The following MGST1 variants were observed in gnomAD, a reference collection of about 807,000 sequenced individuals.
MGST1 encodes the protein glutathione S-transferase 12.
A neutral mutation model predicts 8.9 loss-of-function variants in MGST1; 5 were observed. The ratio of observed to expected loss-of-function variants is 0.56; its 90% confidence interval spans 0.29 to 1.19. MGST1 has a LOEUF of 1.19. MGST1 is among the 50% of genes most tolerant of loss of function. The pLI, the probability that MGST1 is intolerant of heterozygous loss-of-function variation, is 0.08. For synonymous variants in MGST1, 54 were observed against 67.8 expected (o/e 0.80, Z 1.00); for missense variants, 182 against 187.4 (o/e 0.97, Z 0.17).
intron 4 of MGST1, among the ~76,000 whole-genome samples, chr12:16,519,614 T>G (rs1258754214): frequency 1.4e-5 from 2 of 145,442 alleles, no homozygotes; most frequent in African/African-American, 5.1e-5. Context: ...ATCTTTTTAT[T>G]ACTTCATGCT....
chr12:16,392,543 A>G (rs1940561923), intron 1 of MGST1, among the ~76,000 whole-genome samples: 1 of 152,200 alleles, frequency 6.6e-6, no homozygotes, highest in Admixed American at 6.5e-5. Context: ...CAGTATGTAC[A>G]TAGTTTGAAT....
At chr12:16,518,396 T>G (rs534582100) in intron 4 of MGST1, among the ~76,000 whole-genome samples, 1 of 152,370 alleles carries the variant, frequency 6.6e-6, no homozygotes, top group South Asian at 2.1e-4. Context: ...GACAATCCTA[T>G]CTAATATAGT....
At chr12:16,395,374 G>A (rs1940595662) in intron 1 of MGST1, among the ~76,000 whole-genome samples, 1 of 152,106 alleles carries the variant, frequency 6.6e-6, no homozygotes, top group African/African-American at 2.4e-5. Flanking sequence ...ACCCAGCATA[G>A]TAATGCAGTA....
intron 4 of MGST1, among the ~76,000 whole-genome samples, chr12:16,487,071 A>T (rs755690498): frequency 6.6e-6 from 1 of 152,166 alleles, no homozygotes; most frequent in Non-Finnish European, 1.5e-5. Flanking sequence ...GATGCTCAGC[A>T]TTGCAAGATC....
rs1455507123 is a variant in MGST1 at position 16,576,073 on chromosome 12, C to G, written n.483-13455C>G. Among the ~76,000 whole-genome samples, 2 of 152,304 alleles carry G rather than the reference C, an allele frequency of 1.3e-5. No individual in the cohort carries two copies. Among genetic ancestry groups the G allele is most frequent in the East Asian group, 3.9e-4 (2 of 5,182 alleles). On this transcript the variant is annotated intron_variant and non_coding_transcript_variant, in intron 4 of 4. Coordinates refer to the MGST1 transcript ENST00000538857. This position sits in a 1 kb window ranked among gnomAD's most constrained non-coding sequence, Gnocchi z 4.1. Reference sequence around the variant, plus strand: ...CCTCTTTTGTCTCAGTAAGCTACTTCTAGCGCGCATCGCTTCTCCCTTGCA... The same window carrying G: ...CCTCTTTTGTCTCAGTAAGCTACTTGTAGCGCGCATCGCTTCTCCCTTGCA...
chr12:16,438,742 T>A (rs898965536), exon 2 of MGST1: 1 of 151,912 alleles, frequency 6.6e-6, no homozygotes, highest in Non-Finnish European at 1.5e-5. Flanking sequence ...TAAACTCGAT[T>A]TTTGTGGGTG....
At chr12:16,420,389 C>T (rs149265679) in intron 1 of MGST1, among the ~76,000 whole-genome samples, 52 of 152,316 alleles carry the variant, frequency 3.4e-4, no homozygotes, top group African/African-American at 1.2e-3. Context: ...AACTTATTCT[C>T]ATAATGAACT....
At chr12:16,396,681 T>C (rs1940609442) in intron 1 of MGST1, among the ~76,000 whole-genome samples, 1 of 151,998 alleles carries the variant, frequency 6.6e-6, no homozygotes, top group African/African-American at 2.4e-5. Context: ...CAACTCCTCT[T>C]AAAATAGCTG....
intron 1 of MGST1, among the ~76,000 whole-genome samples, chr12:16,393,052 T>C (rs1223539411): frequency 6.6e-6 from 1 of 152,114 alleles, no homozygotes; most frequent in East Asian, 1.9e-4. Context: ...GAGTTGAAGT[T>C]TTATAAGGGG....
chr12:16,570,837 T>TAG (rs1176021877), intron 4 of MGST1, among the ~76,000 whole-genome samples: 1 of 152,160 alleles, frequency 6.6e-6, no homozygotes, highest in East Asian at 1.9e-4. Context: ...ATTATTTAAT[T>TAG]CTTGCAGCTA....
In MGST1 at chr12:16,364,311, A is replaced by G. The variant is rs1940141423; in HGVS notation, c.*270A>G. 9.1e-7 allele frequency: 1 copy of G among 1,097,662 alleles called. No individual in the cohort carries two copies. The highest frequency in any genetic ancestry group is 1.6e-5 in the African/African-American group (1 of 61,910). 68.0% of individuals were successfully genotyped at this position (1,097,662 alleles called of 1,614,324 possible). Reference sequence around the variant, plus strand: ...TCATGTTATGATTTGTAACATTCACACAACACCTCACTTTTGAATCTATAA... The same window carrying G: ...TCATGTTATGATTTGTAACATTCACGCAACACCTCACTTTTGAATCTATAA... On this transcript the variant is annotated 3_prime_UTR_variant, in exon 4 of 4. Coordinates refer to ENST00000396210, the MANE Select transcript of MGST1 (RefSeq NM_020300.5). This position sits in a 1 kb window ranked among gnomAD's most constrained non-coding sequence, Gnocchi z 5.7.
chr12:16,424,727 T>C (rs1289713848), intron 1 of MGST1, among the ~76,000 whole-genome samples: 1 of 152,206 alleles, frequency 6.6e-6, no homozygotes, highest in Admixed American at 6.5e-5. Context: ...AAGCTAAATC[T>C]GGCACAAGTT....
upstream of MGST1, among the ~76,000 whole-genome samples, chr12:16,382,459 G>T (rs1940465619): frequency 6.6e-6 from 1 of 152,134 alleles, no homozygotes; most frequent in African/African-American, 2.4e-5. Flanking sequence ...AGTGTGTATT[G>T]GTGAACCGCA....
At chr12:16,566,825 C>T (rs556256103) in intron 4 of MGST1, among the ~76,000 whole-genome samples, 2 of 152,158 alleles carry the variant, frequency 1.3e-5, no homozygotes, top group South Asian at 2.1e-4. Context: ...CACATACACA[C>T]ATAATAGGCA....
downstream of MGST1, among the ~76,000 whole-genome samples, chr12:16,367,842 G>A (rs1307926938): frequency 7.3e-6 from 1 of 137,468 alleles, no homozygotes; most frequent in Non-Finnish European, 1.5e-5. Context: ...GGCCAAGTCT[G>A]ATGACACAGG....
rs558052184 is a variant in MGST1 at position 16,544,958 on chromosome 12, G to A, written n.483-44570G>A. Among the ~76,000 whole-genome samples the A allele has an allele frequency of 6.6e-6, 1 of 152,046 alleles. No homozygotes were observed. The highest frequency in any genetic ancestry group is 1.9e-4 in the East Asian group (1 of 5,180). On this transcript the variant is annotated intron_variant and non_coding_transcript_variant, in intron 4 of 4. Coordinates refer to the MGST1 transcript ENST00000538857. The surrounding 1 kb of genome is among the most constrained non-coding windows in gnomAD (Gnocchi z 4.8). Reference sequence around the variant, plus strand: ...CAATAACACAGATCCTGTAAGTTTAGCAAACACACTATTTTCTAAATTTTT... The same window carrying A: ...CAATAACACAGATCCTGTAAGTTTAACAAACACACTATTTTCTAAATTTTT...
At position 16,357,605 on chromosome 12, in the gene MGST1, G is replaced by T; in HGVS notation, c.127G>T (p.Val43Phe). 6.2e-7 allele frequency: 1 copy of T among 1,611,618 alleles called. No individual in the cohort carries two copies. The highest frequency in any genetic ancestry group is 8.5e-7 in the Non-Finnish European group (1 of 1,179,082). ...GTTTTTTTTCTTGGTATTTGGATAG[G>T]TTTTTGCCAATCCAGAAGACTGTGT... ...ATAFYRLTRK[V>F]FANPEDCVAF... is the part of the protein sequence containing the mutation. The change falls in exon 3 of 4, where the codon GTT (valine) becomes TTT (phenylalanine). Residue 43 changes from valine to phenylalanine, a missense_variant and splice_region_variant. Val to Phe is a conservative substitution (Grantham distance 50). Transcript: ENST00000396210.
intron 1 of MGST1, among the ~76,000 whole-genome samples, chr12:16,391,139 CTTTT>C (rs71054812): frequency 7.2e-6 from 1 of 139,070 alleles, no homozygotes; most frequent in African/African-American, 2.7e-5. Context: ...TTGCCCACTT[CTTTT>C]TTTTTTTTTT....
chr12:16,423,316 G>A (rs1220521360), intron 1 of MGST1, among the ~76,000 whole-genome samples: 1 of 152,078 alleles, frequency 6.6e-6, no homozygotes, highest in Non-Finnish European at 1.5e-5. Flanking sequence ...TTTTCTAGGT[G>A]TTTCTATTTT....
Sources: gnomAD v4.1 joint callset for allele counts (sites outside exome capture counted in the v4.1 genomes callset) on GRCh38, gnomAD v4.1.1 for gene constraint, Gnocchi (gnomAD v3.1) non-coding constraint, MANE v1.5 for transcripts, NCBI Gene and HGNC (gene_info 2026-07-23, HGNC 2026-07-21) for gene names.